NDUFAF7: variants seen among roughly 807,000 people sequenced by gnomAD.
The protein encoded by NDUFAF7 is NADH:ubiquinone oxidoreductase complex assembly factor 7, also known as protein arginine methyltransferase NDUFAF7, mitochondrial.
In NDUFAF7, 48 loss-of-function variants were observed where a neutral mutation model predicts 47.2. That is an observed-to-expected ratio of 1.02 (90% CI 0.81 to 1.29). NDUFAF7 has a LOEUF of 1.29. Among genes scored for constraint, NDUFAF7 ranks in the 50% most tolerant of loss-of-function variants. NDUFAF7 has a pLI of 0.00. For synonymous variants in NDUFAF7, 217 were observed against 190.0 expected (o/e 1.14, Z -1.17); for missense variants, 635 against 537.6 (o/e 1.18, Z -1.79).
chr2:37,251,723 CTG>C (rs1667512398), downstream of NDUFAF7: 1 of 151,932 alleles, frequency 6.6e-6, no homozygotes, highest in Admixed American at 6.6e-5. Context: ...CACGACAACA[CTG>C]TGACAAAGGG....
the NDUFAF7 span, among the ~76,000 whole-genome samples, chr2:37,258,816 T>C: frequency 6.6e-6 from 1 of 152,354 alleles, no homozygotes; most frequent in East Asian, 1.9e-4. Flanking sequence ...TGAAAACACC[T>C]ATCTGTTGTC....
chr2:37,237,692 AT>A, intron 3 of NDUFAF7, 64 bp from the exon 4 acceptor site: 1 of 1,249,268 alleles, frequency 8.0e-7, no homozygotes, highest in South Asian at 1.3e-5. Flanking sequence ...GTGAAATTTT[AT>A]ATTGTGGTAT....
chr2:37,269,588 A>G, the NDUFAF7 span: 2 of 1,577,072 alleles, frequency 1.3e-6, no homozygotes, highest in Non-Finnish European at 1.7e-6. Flanking sequence ...TAATGTGTAC[A>G]ATATGCAAAC....
Position 37,237,885 on chromosome 2 carries a change from G to A in NDUFAF7, c.408+18G>A. ...TTTTGAGGGTAGGTAATAAAAGAAT[G>A]TCTTCTAGTCTCATATAAGTGAATT... On this transcript the variant is annotated intron_variant, in intron 4 of 9. Transcript: ENST00000002125. The A allele has an allele frequency of 6.6e-7, 1 of 1,520,784 alleles. No individual in the cohort carries two copies. Among genetic ancestry groups the A allele is most frequent in the Non-Finnish European group, 9.1e-7 (1 of 1,096,182 alleles). The allele number at this position is 1,520,784 out of a possible 1,614,324, so 94.2% of individuals were successfully genotyped here. A position where few individuals can be genotyped will look rare whatever the true frequency, so the allele number is the denominator to read the frequency against.
At chr2:37,251,445 A>G (rs1326132852), downstream of NDUFAF7, 1 of 152,552 alleles carries the variant, frequency 6.6e-6, no homozygotes, top group Non-Finnish European at 1.5e-5. Context: ...GCTCATAATG[A>G]CTTAACACTA....
the NDUFAF7 span, chr2:37,267,523 C>T: frequency 3.7e-6 from 6 of 1,605,920 alleles, no homozygotes; most frequent in Non-Finnish European, 5.1e-6. Flanking sequence ...CCCTCCCAGT[C>T]TTTCTATGTT....
the NDUFAF7 span, among the ~76,000 whole-genome samples, chr2:37,259,060 A>AAC: frequency 2.0e-5 from 3 of 152,172 alleles, no homozygotes; most frequent in African/African-American, 7.2e-5. Context: ...TGGAAAAAAA[A>AAC]AAAACTCAAC....
chr2:37,252,309 T>C (rs1667564644), downstream of NDUFAF7: 1 of 152,192 alleles, frequency 6.6e-6, no homozygotes, highest in South Asian at 2.1e-4. Context: ...AAAGCCGAGA[T>C]CTGCACCTGC....
Position 37,242,304 on chromosome 2 carries a change from C to G in NDUFAF7, c.623-331C>G. 3 of 283,718 alleles carry G rather than the reference C, an allele frequency of 1.1e-5. No individual in the cohort carries two copies. The South Asian group carries it at 1.1e-4, about 11-fold the overall frequency. The allele number at this position is 283,718 out of a possible 1,614,324, so 17.6% of individuals were successfully genotyped here. ...GTAAGGGATCTCAAGCCATTCCTGC[C>G]TCAGCCTTCTCAGGCTGAGAAGCCC... On this transcript the variant is annotated intron_variant, in intron 5 of 9. Transcript: ENST00000002125.
At chr2:37,253,223 T>C, downstream of NDUFAF7, 3 of 1,611,972 alleles carry the variant, frequency 1.9e-6, no homozygotes, top group Middle Eastern at 1.7e-4. Context: ...CATAATGAAG[T>C]GCTTTGGGTA....
At chr2:37,241,543 C>T (rs1379388563) in intron 4 of NDUFAF7, 35 bp from the exon 5 acceptor site, 2 of 1,516,602 alleles carry the variant, frequency 1.3e-6, no homozygotes. Context: ...ACCTACTTAA[C>T]ACATTGTATT....
downstream of NDUFAF7, chr2:37,252,906 A>C (rs565088562): frequency 3.0e-5 from 6 of 197,080 alleles, no homozygotes; most frequent in Admixed American, 3.0e-4. Flanking sequence ...ATTGTATTAA[A>C]GTGAAGGATT....
Position 37,238,556 on chromosome 2 carries a change from A to C in NDUFAF7, c.408+689A>C, listed in dbSNP as rs181351696. Among the ~76,000 whole-genome samples, 76 of 152,256 alleles carry C rather than the reference A, an allele frequency of 5.0e-4. 3 individuals are homozygous for C. The East Asian group carries it at 0.011, about 21-fold the overall frequency. ...GCTTGAGGCCAAGAGTTCAAGACCA[A>C]CCTGGCCAACAAAGCAAGACCTCGT... On this transcript the variant is annotated intron_variant, in intron 4 of 9. Coordinates refer to ENST00000002125, the MANE Select transcript of NDUFAF7 (RefSeq NM_144736.5).
At chr2:37,264,664 T>G in the NDUFAF7 span, among the ~76,000 whole-genome samples, 2 of 152,100 alleles carry the variant, frequency 1.3e-5, no homozygotes, top group African/African-American at 2.4e-5. Context: ...AGGAAACAGC[T>G]AATGCAAAGC....
chr2:37,246,497 T>C (rs1666911673), intron 8 of NDUFAF7, among the ~76,000 whole-genome samples: 1 of 152,188 alleles, frequency 6.6e-6, no homozygotes, highest in Admixed American at 6.5e-5. Flanking sequence ...CTTCACATTC[T>C]TAAACCTATC....
At chr2:37,259,476 G>A in the NDUFAF7 span, 3 of 655,396 alleles carry the variant, frequency 4.6e-6, no homozygotes, top group African/African-American at 1.8e-5. Flanking sequence ...ATTTTTGTAA[G>A]GTGGTATGCA....
downstream of NDUFAF7, among the ~76,000 whole-genome samples, chr2:37,249,643 G>GAGACACACACAC (rs1553361382): frequency 5.3e-5 from 7 of 132,524 alleles, 1 homozygote; most frequent in African/African-American, 2.1e-4. Context: ...CTGTGATAGA[G>GAGACACACACAC]ACACACACAC....
At position 37,248,565 on chromosome 2, in the gene NDUFAF7, A is replaced by G. The variant is rs1667168767; in HGVS notation, c.*215A>G. The G allele has an allele frequency of 3.5e-6, 2 of 570,124 alleles. No homozygotes were observed. Among genetic ancestry groups the G allele is most frequent in the Non-Finnish European group, 6.2e-6 (2 of 320,460 alleles). 35.3% of individuals were successfully genotyped at this position (570,124 alleles called of 1,614,324 possible). A position where few individuals can be genotyped will look rare whatever the true frequency, so the allele number is the denominator to read the frequency against. ...TGCTCAAGCTAATAAGTTATTGTGA[A>G]ACTGAGTTTCCTTTAACTTACAAAG... On this transcript the variant is annotated 3_prime_UTR_variant, in exon 10 of 10. Coordinates refer to ENST00000002125, the MANE Select transcript of NDUFAF7 (RefSeq NM_144736.5).
the NDUFAF7 span, among the ~76,000 whole-genome samples, chr2:37,263,812 A>C: frequency 6.6e-6 from 1 of 152,160 alleles, no homozygotes; most frequent in African/African-American, 2.4e-5. Context: ...GGAAATCTAC[A>C]TGATTTTATA....
Sources: allele counts gnomAD v4.1 joint callset (sites outside exome capture counted in the v4.1 genomes callset), GRCh38; gene constraint gnomAD v4.1.1; transcripts MANE v1.5; gene names NCBI Gene and HGNC (gene_info 2026-07-23, HGNC 2026-07-21).